ABCA4: variants seen among roughly 807,000 people sequenced by gnomAD.
ABCA4 encodes the protein ATP binding cassette subfamily A member 4.
ABCA4 carries 196 observed loss-of-function variants against 263.7 expected under a neutral mutation model. The ratio of observed to expected loss-of-function variants is 0.74; its 90% CI spans 0.66 to 0.84. The LOEUF (loss-of-function observed/expected upper bound fraction) is 0.84. Ranked by LOEUF, ABCA4 falls within the 40% of genes least tolerant of loss-of-function variation. The probability of loss-of-function intolerance (pLI) is 0.00; values close to 1 mark genes in which losing one functional copy is unlikely to be tolerated. For missense variants in ABCA4, 2,792 were observed against 2,855.1 expected (o/e 0.98, Z 0.50); for synonymous variants, 1,133 against 1,094.2 (o/e 1.04, Z -0.70).
intron 4 of ABCA4, 122 bp from the exon 5 acceptor site, chr1:94,103,264 G>T: frequency 7.6e-7 from 1 of 1,312,984 alleles, no homozygotes; most frequent in East Asian, 2.4e-5. Context: ...CTGTTCTTGG[G>T]GTCTCTGGGA....
intron 38 of ABCA4, among the ~76,000 whole-genome samples, chr1:94,014,252 G>A (rs1226746453): frequency 6.6e-6 from 1 of 150,956 alleles, no homozygotes; most frequent in African/African-American, 2.4e-5. Context: ...GGGAGAGAGG[G>A]CAGAAGGAAA....
chr1:94,014,881 C>T (rs1403767793), intron 37 of ABCA4, among the ~76,000 whole-genome samples, 191 bp from the exon 38 acceptor site: 1 of 152,200 alleles, frequency 6.6e-6, no homozygotes, highest in African/African-American at 2.4e-5. Context: ...ATGATGCCTG[C>T]CTTGACCACT....
Position 94,111,506 on chromosome 1 carries a change from G to A in ABCA4, c.234C>T (p.Asn78=), listed in dbSNP as rs61753049. ...GGGTGGGGCTTTGAAAACAGGGATT[G>A]TTCACATTGCAGAAGATCCCCTGGA... ...PWLQGIFCNV[N]NPCFQSPTPG... The change falls in exon 3 of 50, where the codon AAC becomes AAT. Residue 78 remains asparagine (N), a synonymous_variant. Transcript: ENST00000370225. The A allele has an allele frequency of 6.2e-7, 1 of 1,614,164 alleles. No homozygotes were observed. The highest frequency in any genetic ancestry group is 1.7e-5 in the Admixed American group (1 of 60,034).
intron 27 of ABCA4, 56 bp from the exon 28 acceptor site, chr1:94,031,176 G>A (rs1284354778): frequency 2.0e-5 from 32 of 1,605,090 alleles, no homozygotes; most frequent in Middle Eastern, 1.7e-4. Flanking sequence ...TGTCACACGT[G>A]CGCGTGCACA....
chr1:94,071,936 A>G (rs956402125), intron 11 of ABCA4, among the ~76,000 whole-genome samples: 5 of 152,220 alleles, frequency 3.3e-5, no homozygotes, highest in African/African-American at 1.2e-4. Flanking sequence ...TCCAATGCAC[A>G]TCTAGAGTCA....
At chr1:94,095,749 GTT>G (rs4147879) in intron 6 of ABCA4, among the ~76,000 whole-genome samples, 13 of 136,938 alleles carry the variant, frequency 9.5e-5, no homozygotes, top group African/African-American at 3.0e-4. Flanking sequence ...TTTCTTTCAG[GTT>G]TTTTTTTTTT....
At position 93,993,112 on chromosome 1, in the gene ABCA4, G is replaced by T; in HGVS notation, c.*125C>A. The T allele has an allele frequency of 7.6e-7, 1 of 1,314,718 alleles. No homozygotes were observed. The allele number at this position is 1,314,718 out of a possible 1,614,324, so 81.4% of individuals were successfully genotyped here. On this transcript the variant is annotated 3_prime_UTR_variant, in exon 50 of 50. Coordinates refer to ENST00000370225, the MANE Select transcript of ABCA4 (RefSeq NM_000350.3). Reference sequence around the variant, plus strand: ...TTCGCTGCATGCTCCTCGTGTGTTTGTTTTCTGCTGCAGTGGGGTCATTTA... The same window carrying T: ...TTCGCTGCATGCTCCTCGTGTGTTTTTTTTCTGCTGCAGTGGGGTCATTTA...
chr1:94,004,142 G>A (rs534307101), intron 44 of ABCA4, among the ~76,000 whole-genome samples: 6 of 152,178 alleles, frequency 3.9e-5, no homozygotes, highest in South Asian at 2.1e-4. Context: ...TGAGCCTTTC[G>A]GAAGACAGAT....
At chr1:94,040,815 G>A (rs940137822) in intron 23 of ABCA4, among the ~76,000 whole-genome samples, 2 of 152,086 alleles carry the variant, frequency 1.3e-5, no homozygotes, top group African/African-American at 4.8e-5. Flanking sequence ...CACCCAAGGA[G>A]GCCTCTTCTT....
chr1:94,100,411 C>G (rs889230257), intron 5 of ABCA4, among the ~76,000 whole-genome samples: 2 of 152,132 alleles, frequency 1.3e-5, no homozygotes, highest in Non-Finnish European at 2.9e-5. Context: ...AATGAGGAAA[C>G]GAGAGGCACA....
chr1:94,114,357 AG>A, intron 1 of ABCA4, among the ~76,000 whole-genome samples: 1 of 152,356 alleles, frequency 6.6e-6, no homozygotes, highest in South Asian at 2.1e-4. Flanking sequence ...ATTTAGGGAC[AG>A]GTGGTGATTA....
chr1:94,031,916 C>T lies in ABCA4; in HGVS notation c.3990G>A (p.Glu1330=), dbSNP rs1299299747. The T allele has an allele frequency of 1.2e-6, 2 of 1,614,144 alleles. No homozygotes were observed. The highest frequency in any genetic ancestry group is 2.2e-5 in the East Asian group (1 of 44,884). Residue 1330 remains glutamate, a synonymous_variant, in exon 27 of 50, where the codon GAG becomes GAA. Coordinates refer to ENST00000370225, the MANE Select transcript of ABCA4 (RefSeq NM_000350.3). ...ACTCTGGCTCTGGGGGAGGCTGGCCCTCTGGGTGAGCAGCCGGCGCCCCTG... is the reference window on the plus strand; with the variant it reads ...ACTCTGGCTCTGGGGGAGGCTGGCCTTCTGGGTGAGCAGCCGGCGCCCCTG... ...CSPGAPAAHP[E]GQPPPEPECP...
In ABCA4 at chr1:93,998,067, T is replaced by A; in HGVS notation, c.6523A>T (p.Lys2175Ter). The change falls in exon 48 of 50, where the codon AAG becomes TAG. Residue 2175 changes from lysine to a stop codon, truncating the protein, a stop_gained. Coordinates refer to ENST00000370225, the MANE Select transcript of ABCA4 (RefSeq NM_000350.3). LOFTEE classifies it high-confidence loss of function. ...TTCAGGTCAGGAAGCAGGTCGTCCT[T>A]CGGGGATTTGATCTTCATTGTGACG... ...YIVTMKIKSP[K>*]DDLLPDLNPV... 6.2e-7 allele frequency: 1 copy of A among 1,614,200 alleles called. No individual in the cohort carries two copies. Among genetic ancestry groups the A allele is most frequent in the Non-Finnish European group, 8.5e-7 (1 of 1,180,032 alleles).
At chr1:94,069,424 G>A (rs72725182) in intron 11 of ABCA4, among the ~76,000 whole-genome samples, 1 of 152,182 alleles carries the variant, frequency 6.6e-6, no homozygotes, top group Non-Finnish European at 1.5e-5. Context: ...CATCCAGGAC[G>A]TGCTAGGAGT....
chr1:94,018,421 C>T (rs1275285839), intron 36 of ABCA4, among the ~76,000 whole-genome samples: 1 of 152,200 alleles, frequency 6.6e-6, no homozygotes, highest in Non-Finnish European at 1.5e-5. Flanking sequence ...TGACCTCCTC[C>T]CCGTGCATTT....
intron 9 of ABCA4, 39 bp downstream of exon 9, chr1:94,079,283 G>A: frequency 1.2e-6 from 2 of 1,613,172 alleles, no homozygotes; most frequent in Non-Finnish European, 1.7e-6. Flanking sequence ...ACTTCTGGGA[G>A]GTCCAGGGTA....
In ABCA4 at chr1:94,041,404, T is replaced by A. The variant is rs1324958803; in HGVS notation, c.3329-2A>T. 2 of 1,613,482 alleles carry A rather than the reference T, an allele frequency of 1.2e-6. No individual in the cohort carries two copies. Among genetic ancestry groups the A allele is most frequent in the Non-Finnish European group, 1.7e-6 (2 of 1,179,990 alleles). On this transcript the variant is annotated splice_acceptor_variant, in intron 22 of 49. Coordinates refer to ENST00000370225, the MANE Select transcript of ABCA4 (RefSeq NM_000350.3). LOFTEE classifies it high-confidence loss of function. ...GAGTGGACATGATGATGGTTCTGCC[T>A]GCAAGGTAGGGGCCAGGGCAATCAC...
chr1:94,021,840 A>T lies in ABCA4; in HGVS notation c.4773+6T>A. On this transcript the variant is annotated splice_donor_region_variant and intron_variant, in intron 33 of 49. Transcript: ENST00000370225. ...TCCTACTCAAATCTCCAGTCTGTTT[A>T]CATACCCCGCTCACATTCATGATCC... 6.2e-7 allele frequency: 1 copy of T among 1,614,026 alleles called. No homozygotes were observed. The highest frequency in any genetic ancestry group is 1.7e-5 in the Admixed American group (1 of 60,022).
intron 6 of ABCA4, among the ~76,000 whole-genome samples, chr1:94,093,655 G>GT (rs34606095): frequency 1.3e-5 from 2 of 152,012 alleles, no homozygotes; most frequent in African/African-American, 4.8e-5. Context: ...ATCCATAAAA[G>GT]AACATCTGAT....
Sources: allele counts gnomAD v4.1 joint callset (sites outside exome capture counted in the v4.1 genomes callset), GRCh38; gene constraint gnomAD v4.1.1; transcripts MANE v1.5; gene names NCBI Gene and HGNC (gene_info 2026-07-23, HGNC 2026-07-21).